SIPA1L1: variants seen among roughly 807,000 people sequenced by gnomAD.
The protein encoded by SIPA1L1 is signal induced proliferation associated 1 like 1.
SIPA1L1 carries 26 observed loss-of-function variants against 162.7 expected under a neutral mutation model. The ratio of observed to expected loss-of-function variants is 0.16; its 90% CI spans 0.12 to 0.22. SIPA1L1 has a LOEUF of 0.22. SIPA1L1 is among the 10% of genes least tolerant of loss of function. The pLI, the probability that SIPA1L1 is intolerant of heterozygous loss-of-function variation, is 1.00. For synonymous variants in SIPA1L1, 829 were observed against 837.4 expected, an observed-to-expected ratio of 0.99 and a Z score of 0.17; for missense variants, 1,874 against 2,241.0, an observed-to-expected ratio of 0.84 and a Z score of 3.31.
At chr14:71,665,144 A>G (rs1350515138) in intron 10 of SIPA1L1, among the ~76,000 whole-genome samples, 1 of 152,190 alleles carries the variant, frequency 6.6e-6, no homozygotes, top group African/African-American at 2.4e-5. Context: ...AGAAAGATAA[A>G]TTTGGAGACT....
intron 2 of SIPA1L1, among the ~76,000 whole-genome samples, chr14:71,459,179 C>T (rs1040224190): frequency 1.3e-5 from 2 of 152,090 alleles, no homozygotes; most frequent in African/African-American, 2.4e-5. Flanking sequence ...ACAAGATCCC[C>T]ATTTTAAAGG....
intron 2 of SIPA1L1, among the ~76,000 whole-genome samples, chr14:71,462,246 C>T (rs1474968634): frequency 6.6e-6 from 1 of 152,182 alleles, no homozygotes; most frequent in African/African-American, 2.4e-5. Context: ...CAGAGCCTTG[C>T]TCCAAAATCC....
Position 71,685,267 on chromosome 14 carries a change from G to A in SIPA1L1, c.3105-95G>A, listed in dbSNP as rs1035874941. ...GTTTGAAACAGAGGGTGAAATTGTG[G>A]ATCCATTTTTAAGTGTTAATGAGAA... is the stretch of plus-strand genomic sequence containing the variant. On this transcript the variant is annotated intron_variant, in intron 12 of 23. Transcript: ENST00000381232. 17 of 1,336,734 alleles carry A rather than the reference G, an allele frequency of 1.3e-5. No homozygotes were observed. The South Asian group carries it at 2.3e-4, about 18-fold the overall frequency. 82.8% of individuals were successfully genotyped at this position (1,336,734 alleles called of 1,614,324 possible).
intron 2 of SIPA1L1, among the ~76,000 whole-genome samples, chr14:71,424,708 T>A (rs1178274238): frequency 6.6e-6 from 1 of 152,052 alleles, no homozygotes; most frequent in Non-Finnish European, 1.5e-5. Flanking sequence ...CGGTATTCAT[T>A]AGAGATAATG....
chr14:71,391,241 G>A (rs1031637849), intron 2 of SIPA1L1, among the ~76,000 whole-genome samples: 1 of 151,632 alleles, frequency 6.6e-6, no homozygotes, highest in East Asian at 1.9e-4. Flanking sequence ...CGAGTAGCTG[G>A]GACTACAGGC....
chr14:71,545,894 A>G (rs1035668711), intron 4 of SIPA1L1, among the ~76,000 whole-genome samples: 7 of 152,086 alleles, frequency 4.6e-5, no homozygotes, highest in Admixed American at 2.0e-4. Flanking sequence ...TGAGTCCAGA[A>G]ATTTAAGACC....
chr14:71,512,484 G>A (rs1455250268), intron 2 of SIPA1L1, among the ~76,000 whole-genome samples: 1 of 151,648 alleles, frequency 6.6e-6, no homozygotes, highest in African/African-American at 2.4e-5. Flanking sequence ...CTACTCGAGA[G>A]GTTGAGGCAG....
chr14:71,554,946 TA>T (rs1394786084), intron 4 of SIPA1L1, among the ~76,000 whole-genome samples: 9 of 149,040 alleles, frequency 6.0e-5, no homozygotes, highest in South Asian at 2.1e-4. Context: ...ATTCCTAATT[TA>T]AAAAAAAAAC....
chr14:71,588,043 C>G lies in SIPA1L1; in HGVS notation c.171C>G (p.Pro57=), dbSNP rs764131376. ...GSSVMAPVGP[P]RSEGSHHITS... Reference sequence around the variant, plus strand: ...CAGTTATGGCTCCTGTAGGACCCCCCCGAAGTGAAGGTTCTCACCATATAA... The same window carrying G: ...CAGTTATGGCTCCTGTAGGACCCCCGCGAAGTGAAGGTTCTCACCATATAA... Residue 57 remains proline (P), a synonymous_variant, in exon 5 of 24, where the codon CCC becomes CCG. Transcript: ENST00000381232. This position sits in a 1 kb window ranked among gnomAD's most constrained non-coding sequence, Gnocchi z 4.3. The G allele has an allele frequency of 6.2e-7, 1 of 1,614,086 alleles. No homozygotes were observed. The highest frequency in any genetic ancestry group is 8.5e-7 in the Non-Finnish European group (1 of 1,179,984).
At chr14:71,520,903 C>T (rs1595883687) in intron 3 of SIPA1L1, among the ~76,000 whole-genome samples, 1 of 152,202 alleles carries the variant, frequency 6.6e-6, no homozygotes, top group South Asian at 2.1e-4. Context: ...CAGGAATGCA[C>T]CACCATGTTT....
chr14:71,597,427 G>GT (rs1396888745), intron 5 of SIPA1L1, among the ~76,000 whole-genome samples: 1 of 151,518 alleles, frequency 6.6e-6, no homozygotes, highest in Non-Finnish European at 1.5e-5. Context: ...TATTTTTCTT[G>GT]TTTTTTCTTC....
Position 71,487,823 on chromosome 14 carries a change from A to G in SIPA1L1, c.-464-24920A>G, listed in dbSNP as rs140450608. 2.6e-5 allele frequency among the ~76,000 whole-genome samples: 4 copies of G among 152,358 alleles called. No homozygotes were observed. The East Asian group carries it at 5.8e-4, about 22-fold the overall frequency. Reference sequence around the variant, plus strand: ...TATTTGTCATTGGAAGACTCATTGTAGGAGATCTGTATTCATTTGCTCAAG... The same window carrying G: ...TATTTGTCATTGGAAGACTCATTGTGGGAGATCTGTATTCATTTGCTCAAG... On this transcript the variant is annotated intron_variant, in intron 2 of 23. Coordinates refer to ENST00000381232, the MANE Select transcript of SIPA1L1 (RefSeq NM_001386936.1).
chr14:71,657,513 G>A (rs1250446732), intron 8 of SIPA1L1, among the ~76,000 whole-genome samples: 1 of 152,008 alleles, frequency 6.6e-6, no homozygotes, highest in African/African-American at 2.4e-5. Flanking sequence ...CCAGGTACTT[G>A]TGGGAACACT....
chr14:71,379,308 T>C lies in SIPA1L1; in HGVS notation c.-465+58127T>C, dbSNP rs1468203487. Among the ~76,000 whole-genome samples the C allele has an allele frequency of 3.9e-5, 6 of 151,966 alleles. No individual in the cohort carries two copies. In the East Asian group the frequency reaches 9.6e-4, roughly 24 times the overall value. ...TTAAGACTTTCTTTCTTTCTTTTTT[T>C]TTTTTTCCTTTAAGAGACTGGGTCT... On this transcript the variant is annotated intron_variant, in intron 2 of 23. Transcript: ENST00000381232.
Position 71,668,260 on chromosome 14 carries a change from A to G in SIPA1L1, c.2256-2859A>G, listed in dbSNP as rs531789520. On this transcript the variant is annotated intron_variant, in intron 10 of 23. Transcript: ENST00000381232. ...CCCTTTTAGCAGGCACCTCAGGAGT[A>G]GGAGGTTTGAAAGCACTTCCTCAGA... Among the ~76,000 whole-genome samples, 17 of 152,294 alleles carry G rather than the reference A, an allele frequency of 1.1e-4. No homozygotes were observed. The East Asian group carries it at 3.1e-3, about 28-fold the overall frequency.
At chr14:71,396,144 A>T (rs2041182327) in intron 2 of SIPA1L1, among the ~76,000 whole-genome samples, 1 of 152,124 alleles carries the variant, frequency 6.6e-6, no homozygotes, top group Non-Finnish European at 1.5e-5. Flanking sequence ...TCCTTCCGCC[A>T]TCTAGCCACT....
chr14:71,446,149 C>T (rs1337069379), intron 2 of SIPA1L1, among the ~76,000 whole-genome samples: 1 of 152,058 alleles, frequency 6.6e-6, no homozygotes, highest in Non-Finnish European at 1.5e-5. Flanking sequence ...ATGCCTGGCT[C>T]ACACTTTTTG....
At chr14:71,613,206 G>A (rs979383195) in intron 5 of SIPA1L1, among the ~76,000 whole-genome samples, 1 of 151,970 alleles carries the variant, frequency 6.6e-6, no homozygotes, top group African/African-American at 2.4e-5. Flanking sequence ...AAACTTATGG[G>A]AACATAATAT....
intron 6 of SIPA1L1, among the ~76,000 whole-genome samples, chr14:71,623,224 A>G (rs868212349): frequency 1.3e-5 from 2 of 151,724 alleles, no homozygotes; most frequent in South Asian, 2.1e-4. Context: ...CTCAACTTGC[A>G]CTCCTAGCTT....
Sources: gnomAD v4.1 joint callset for allele counts (sites outside exome capture counted in the v4.1 genomes callset) on GRCh38, gnomAD v4.1.1 for gene constraint, Gnocchi (gnomAD v3.1) non-coding constraint, MANE v1.5 for transcripts, NCBI Gene and HGNC (gene_info 2026-07-23, HGNC 2026-07-21) for gene names.